The following DOK5 variants were observed in gnomAD, a reference collection of about 807,000 sequenced individuals.
DOK5 encodes the protein docking protein 5, also known as downstream of tyrosine kinase 5.
Under a neutral mutation model 43.3 loss-of-function variants are expected in DOK5, and 27 were observed. The ratio of observed to expected loss-of-function variants is 0.62; its 90% CI spans 0.46 to 0.86. The LOEUF (loss-of-function observed/expected upper bound fraction) is 0.86. DOK5 is among the 40% of genes least tolerant of loss of function. The probability of loss-of-function intolerance (pLI) is 0.00; values close to 1 mark genes in which losing one functional copy is unlikely to be tolerated. For missense variants in DOK5, 373 were observed against 392.9 expected (o/e 0.95, Z 0.43); for synonymous variants, 146 against 140.1 (o/e 1.04, Z -0.30).
chr20:54,498,750 A>T (rs569605792), intron 1 of DOK5, among the ~76,000 whole-genome samples: 1 of 152,298 alleles, frequency 6.6e-6, no homozygotes, highest in South Asian at 2.1e-4. Flanking sequence ...GGAGAAAATC[A>T]TGTTCTATTG....
At chr20:54,633,726 T>C (rs901234119) in intron 6 of DOK5, among the ~76,000 whole-genome samples, 7 of 152,192 alleles carry the variant, frequency 4.6e-5, no homozygotes, top group Non-Finnish European at 7.3e-5. Context: ...TTATTAATAC[T>C]TTAAGGAGCA....
rs2023454 is a variant in DOK5 at position 54,650,572 on chromosome 20, C to A, written c.*93C>A. 1 of 1,227,928 alleles carries A rather than the reference C, an allele frequency of 8.1e-7. No individual in the cohort carries two copies. The highest frequency in any genetic ancestry group is 1.2e-6 in the Non-Finnish European group (1 of 854,698). 76.1% of individuals were successfully genotyped at this position (1,227,928 alleles called of 1,614,324 possible). Reference sequence around the variant, plus strand: ...GAATGACAGCAAGGGAAATGACGACCAAGAGAAGAAGCTTAAAGTCCTGGC... The same window carrying A: ...GAATGACAGCAAGGGAAATGACGACAAAGAGAAGAAGCTTAAAGTCCTGGC... On this transcript the variant is annotated 3_prime_UTR_variant, in exon 8 of 8. Transcript: ENST00000262593.
chr20:54,506,427 A>T (rs894516006), intron 1 of DOK5, among the ~76,000 whole-genome samples: 1 of 152,186 alleles, frequency 6.6e-6, no homozygotes, highest in Non-Finnish European at 1.5e-5. Context: ...CTGAAGGCTT[A>T]CTCAATACAT....
intron 2 of DOK5, among the ~76,000 whole-genome samples, chr20:54,572,213 T>C (rs1052957834): frequency 6.6e-6 from 1 of 151,460 alleles, no homozygotes; most frequent in Admixed American, 6.6e-5. Context: ...CAGGCTGGAG[T>C]GCAGTGGCGC....
chr20:54,587,035 A>G (rs2146765075), intron 2 of DOK5, among the ~76,000 whole-genome samples: 1 of 152,322 alleles, frequency 6.6e-6, no homozygotes, highest in East Asian at 1.9e-4. Context: ...TATGTGCAGC[A>G]TGCATTAATG....
At chr20:54,609,790 T>C (rs1473198714) in intron 5 of DOK5, among the ~76,000 whole-genome samples, 1 of 152,186 alleles carries the variant, frequency 6.6e-6, no homozygotes, top group Non-Finnish European at 1.5e-5. Context: ...GTGAAGAACT[T>C]CTCTAATGTT....
chr20:54,649,966 T>G (rs772035794), intron 7 of DOK5, among the ~76,000 whole-genome samples: 7 of 152,212 alleles, frequency 4.6e-5, no homozygotes, highest in Non-Finnish European at 8.8e-5. Context: ...TAAACTCTGT[T>G]TGGTCTGAAA....
intron 1 of DOK5, among the ~76,000 whole-genome samples, chr20:54,511,215 T>G (rs1365131735): frequency 6.6e-6 from 1 of 152,208 alleles, no homozygotes; most frequent in Non-Finnish European, 1.5e-5. Context: ...AACTCCTGGA[T>G]GCTCACATTT....
intron 1 of DOK5, among the ~76,000 whole-genome samples, chr20:54,499,044 T>C (rs976540753): frequency 6.6e-6 from 1 of 152,204 alleles, no homozygotes; most frequent in Non-Finnish European, 1.5e-5. Context: ...CCCAATTTCA[T>C]GGATGAAGAA....
chr20:54,530,763 G>A (rs977581911), intron 1 of DOK5, among the ~76,000 whole-genome samples: 11 of 152,016 alleles, frequency 7.2e-5, no homozygotes, highest in African/African-American at 2.2e-4. Flanking sequence ...TGTCTTTTTT[G>A]AGTTGATTTT....
At chr20:54,527,939 G>A (rs1983633779) in intron 1 of DOK5, among the ~76,000 whole-genome samples, 1 of 152,200 alleles carries the variant, frequency 6.6e-6, no homozygotes, top group African/African-American at 2.4e-5. Flanking sequence ...GGGCGTGGTG[G>A]CTCATGCCCG....
At chr20:54,586,460 T>C (rs1163047557) in intron 2 of DOK5, among the ~76,000 whole-genome samples, 1 of 152,150 alleles carries the variant, frequency 6.6e-6, no homozygotes, top group Non-Finnish European at 1.5e-5. Context: ...GTTGGGTCTT[T>C]CATTCATATA....
intron 6 of DOK5, among the ~76,000 whole-genome samples, chr20:54,636,216 A>C (rs967208471): frequency 6.6e-6 from 1 of 152,264 alleles, no homozygotes; most frequent in African/African-American, 2.4e-5. Context: ...GCATGGGCCA[A>C]GCTAACTTTA....
chr20:54,567,437 T>A (rs887388049), intron 2 of DOK5, among the ~76,000 whole-genome samples: 3 of 152,188 alleles, frequency 2.0e-5, no homozygotes, highest in Non-Finnish European at 4.4e-5. Context: ...TTGAAAAAAA[T>A]TATTCTTTCC....
intron 4 of DOK5, among the ~76,000 whole-genome samples, chr20:54,590,110 TG>T (rs1328304912): frequency 6.6e-6 from 1 of 152,174 alleles, no homozygotes; most frequent in Non-Finnish European, 1.5e-5. Context: ...AATTTGTATT[TG>T]GGGAAGCAGT....
rs966521239 is a variant in DOK5, at chr20:54,518,573, C to A, written c.67-36360C>A. The stretch of plus-strand genomic sequence containing the variant: ...AAGTCTTTGCTATTGTGAATAGTGC[C>A]GCAATAAACATACATGTGCATGTGT... On this transcript the variant is annotated intron_variant, in intron 1 of 7. Transcript: ENST00000262593. Among the ~76,000 whole-genome samples the A allele has an allele frequency of 4.1e-4, 63 of 151,992 alleles. 1 individual carries two copies. Among genetic ancestry groups the A allele is most frequent in the Non-Finnish European group, 1.0e-4 (7 of 68,002 alleles).
rs6023326 is a variant in DOK5 at position 54,508,100 on chromosome 20, G to C, written c.66+32088G>C. Among the ~76,000 whole-genome samples, 318 of 152,246 alleles carry C rather than the reference G, an allele frequency of 2.1e-3. 4 individuals carry two copies. Among genetic ancestry groups the C allele is most frequent in the African/African-American group, 7.1e-3 (297 of 41,552 alleles). ...TGTGTCCTAAAGAGGACTTACCCAT[G>C]CCAAAGTTGGGTTTAGACGGGGTTT... On this transcript the variant is annotated intron_variant, in intron 1 of 7. Transcript: ENST00000262593.
intron 6 of DOK5, among the ~76,000 whole-genome samples, chr20:54,641,614 T>C (rs1979122447): frequency 6.6e-6 from 1 of 152,080 alleles, no homozygotes; most frequent in South Asian, 2.1e-4. Context: ...ACCTATTTGT[T>C]ACTAGGTAAG....
chr20:54,635,058 G>A (rs1047408166), intron 6 of DOK5, among the ~76,000 whole-genome samples: 1 of 152,120 alleles, frequency 6.6e-6, no homozygotes, highest in Non-Finnish European at 1.5e-5. Context: ...GCCCATGATG[G>A]GAAGTGGGGG....
Sources: allele counts gnomAD v4.1 joint callset (sites outside exome capture counted in the v4.1 genomes callset), GRCh38; gene constraint gnomAD v4.1.1; transcripts MANE v1.5; gene names NCBI Gene and HGNC (gene_info 2026-07-23, HGNC 2026-07-21).